HNRNPA1L2: variants seen among roughly 807,000 people sequenced by gnomAD.
The protein encoded by HNRNPA1L2 is heterogeneous nuclear ribonucleoprotein A1 like 2, also known as heterogeneous nuclear ribonucleoprotein A1-like 2.
HNRNPA1L2 carries 10 observed loss-of-function variants against 18.2 expected under a neutral mutation model. The observed-to-expected ratio is 0.55, with a 90% CI of 0.34 to 0.93. The LOEUF (loss-of-function observed/expected upper bound fraction) is 0.93. Among genes scored for constraint, HNRNPA1L2 ranks in the 40% least tolerant of loss-of-function variants. HNRNPA1L2 has a pLI of 0.02. For missense variants in HNRNPA1L2, 308 were observed against 394.4 expected, an observed-to-expected ratio of 0.78 and a Z score of 1.85; for synonymous variants, 124 against 138.6, an observed-to-expected ratio of 0.89 and a Z score of 0.74.
chr13:52,642,943 G>C lies in HNRNPA1L2; in HGVS notation c.451G>C (p.Val151Leu), dbSNP rs754114688. Residue 151 changes from valine to leucine, a missense_variant, in exon 1 of 1, where the codon GTA (valine) becomes CTA (leucine). Val to Leu is a conservative substitution (Grantham distance 32). Coordinates refer to ENST00000357495, the MANE Select transcript of HNRNPA1L2 (RefSeq NM_001389320.1). ...TGGCAAGAAAAGGGGCTTTGCCTTT[G>C]TAACCTTTGACGACCATGACTCCGT... ...GSGKKRGFAF[V>L]TFDDHDSVDK... is the part of the protein sequence containing the mutation. 1 of 1,597,160 alleles carries C rather than the reference G, an allele frequency of 6.3e-7. No homozygotes were observed. Among genetic ancestry groups the C allele is most frequent in the Non-Finnish European group, 8.5e-7 (1 of 1,179,796 alleles).
chr13:52,618,104 A>G, the HNRNPA1L2 span, among the ~76,000 whole-genome samples: 5 of 152,156 alleles, frequency 3.3e-5, no homozygotes, highest in South Asian at 2.1e-4. Flanking sequence ...CAGTCTTGTC[A>G]TCACGGAGCG....
At chr13:52,636,110 C>T in the HNRNPA1L2 span, among the ~76,000 whole-genome samples, 36 of 152,294 alleles carry the variant, frequency 2.4e-4, no homozygotes, top group African/African-American at 8.2e-4. Context: ...GCTGGGATTA[C>T]AGCTGCGAGC....
chr13:52,636,796 A>T, the HNRNPA1L2 span, among the ~76,000 whole-genome samples: 1 of 152,206 alleles, frequency 6.6e-6, no homozygotes, highest in Admixed American at 6.5e-5. Flanking sequence ...TGTAAAACCA[A>T]AGTTAAGCTT....
rs1455540624 is a variant in HNRNPA1L2, at chr13:52,643,185, C to T, written c.693C>T (p.Ser231=). ...NFSGRGGFGG[S]CGGGGYGGSG... is the part of the protein sequence containing the mutation. Reference sequence around the variant, plus strand: ...GTGGTCGTGGTGGCTTTGGTGGCAGCTGTGGTGGTGGTGGATATGGTGGCA... The same window carrying T: ...GTGGTCGTGGTGGCTTTGGTGGCAGTTGTGGTGGTGGTGGATATGGTGGCA... Residue 231 remains serine, a synonymous_variant, in exon 1 of 1, where the codon AGC becomes AGT. Transcript: ENST00000357495. The T allele has an allele frequency of 1.3e-6, 2 of 1,597,556 alleles. No individual in the cohort carries two copies. The highest frequency in any genetic ancestry group is 1.7e-5 in the Admixed American group (1 of 59,970).
At chr13:52,626,813 C>T in the HNRNPA1L2 span, among the ~76,000 whole-genome samples, 1 of 152,122 alleles carries the variant, frequency 6.6e-6, no homozygotes, top group African/African-American at 2.4e-5. Flanking sequence ...CTGTGTTTCC[C>T]ATTTTCACCT....
the HNRNPA1L2 span, among the ~76,000 whole-genome samples, chr13:52,630,208 G>A: frequency 2.0e-5 from 3 of 152,210 alleles, no homozygotes; most frequent in Non-Finnish European, 4.4e-5. Flanking sequence ...AACCCTGAAA[G>A]TGGTAGTTGA....
upstream of HNRNPA1L2, among the ~76,000 whole-genome samples, chr13:52,639,076 G>A (rs149866590): frequency 1.2e-3 from 188 of 152,258 alleles, 1 homozygote; most frequent in East Asian, 0.031. Context: ...ACATGCAGAC[G>A]GTCTGGGGCT....
At chr13:52,635,931 G>C in the HNRNPA1L2 span, among the ~76,000 whole-genome samples, 27 of 149,870 alleles carry the variant, frequency 1.8e-4, no homozygotes, top group Non-Finnish European at 3.4e-4. Flanking sequence ...CCTGGGTCCC[G>C]GTTGAAGCAT....
chr13:52,622,026 G>A, the HNRNPA1L2 span: 5 of 157,112 alleles, frequency 3.2e-5, no homozygotes, highest in Admixed American at 6.5e-5. Context: ...TGGCACTAAC[G>A]GCGCTATCTG....
chr13:52,630,834 G>C, the HNRNPA1L2 span, among the ~76,000 whole-genome samples: 3 of 152,288 alleles, frequency 2.0e-5, no homozygotes, highest in Admixed American at 2.0e-4. Flanking sequence ...AAAGTAGAAA[G>C]TGTTCTTGGA....
At chr13:52,619,094 G>A in the HNRNPA1L2 span, among the ~76,000 whole-genome samples, 2 of 151,974 alleles carry the variant, frequency 1.3e-5, no homozygotes, top group East Asian at 1.9e-4. Flanking sequence ...CACAATCTCC[G>A]CCTCCCGGGT....
the HNRNPA1L2 span, among the ~76,000 whole-genome samples, chr13:52,631,592 T>C: frequency 5.3e-5 from 8 of 152,218 alleles, no homozygotes; most frequent in Non-Finnish European, 1.0e-4. Flanking sequence ...GGAAAACTTG[T>C]ATGACTTGAA....
chr13:52,637,319 C>G, the HNRNPA1L2 span: 1 of 223,518 alleles, frequency 4.5e-6, no homozygotes, highest in Non-Finnish European at 9.7e-6. Flanking sequence ...ATCACCTTCA[C>G]TTTGGGATAT....
chr13:52,642,729 G>A lies in HNRNPA1L2; in HGVS notation c.237G>A (p.Val79=). 6.2e-7 allele frequency: 1 copy of A among 1,601,950 alleles called. No individual in the cohort carries two copies. The highest frequency in any genetic ancestry group is 8.5e-7 in the Non-Finnish European group (1 of 1,179,780). Residue 79 remains valine, a synonymous_variant, in exon 1 of 1, where the codon GTG becomes GTA. Transcript: ENST00000357495. ...CTATGAATACAACGCCACACAAGGT[G>A]GATGGAAGAGTTGTGGAACCAAAGA... ...DAAMNTTPHK[V]DGRVVEPKRA...
chr13:52,619,748 C>G, the HNRNPA1L2 span, among the ~76,000 whole-genome samples: 5 of 151,786 alleles, frequency 3.3e-5, no homozygotes, highest in African/African-American at 7.3e-5. Context: ...GGTGAAACCC[C>G]GTCTCTACTG....
the HNRNPA1L2 span, among the ~76,000 whole-genome samples, chr13:52,634,575 ATTG>A: frequency 6.6e-6 from 1 of 152,162 alleles, no homozygotes; most frequent in African/African-American, 2.4e-5. Flanking sequence ...GCAATTTTTC[ATTG>A]TTGTTATCTT....
chr13:52,627,254 GTT>G, the HNRNPA1L2 span, among the ~76,000 whole-genome samples: 1 of 152,094 alleles, frequency 6.6e-6, no homozygotes, highest in Non-Finnish European at 1.5e-5. Flanking sequence ...GCATTTCAAA[GTT>G]TATATAAAAC....
At chr13:52,627,000 G>T in the HNRNPA1L2 span, among the ~76,000 whole-genome samples, 1 of 152,224 alleles carries the variant, frequency 6.6e-6, no homozygotes, top group Admixed American at 6.5e-5. Flanking sequence ...GGCATGAGCT[G>T]AGTACTCTTC....
chr13:52,639,694 C>CAAA (rs10661534), upstream of HNRNPA1L2, among the ~76,000 whole-genome samples: 2,169 of 73,386 alleles, frequency 0.03, 47 homozygotes, highest in African/African-American at 0.05. Flanking sequence ...GACCCTGTCT[C>CAAA]AAAAAAAAAA....
Sources: gnomAD v4.1 joint callset for allele counts (sites outside exome capture counted in the v4.1 genomes callset) on GRCh38, gnomAD v4.1.1 for gene constraint, MANE v1.5 for transcripts, NCBI Gene and HGNC (gene_info 2026-07-23, HGNC 2026-07-21) for gene names.